The following MGAT4C variants were observed in gnomAD, a reference collection of about 807,000 sequenced individuals.
MGAT4C encodes the protein alpha-1,3-mannosyl-glycoprotein 4-beta-N-acetylglucosaminyltransferase C.
Under a neutral mutation model 40.1 loss-of-function variants are expected in MGAT4C, and 19 were observed. The observed-to-expected ratio is 0.47, with a 90% confidence interval of 0.33 to 0.70. The LOEUF (loss-of-function observed/expected upper bound fraction) is 0.70, where lower values mean the gene tolerates loss of function less well. Among genes scored for constraint, MGAT4C ranks in the 30% least tolerant of loss-of-function variants. The probability of loss-of-function intolerance (pLI) is 0.02; values close to 1 mark genes in which losing one functional copy is unlikely to be tolerated. For synonymous variants in MGAT4C, 181 were observed against 187.1 expected, an observed-to-expected ratio of 0.97 and a Z score of 0.27; for missense variants, 491 against 563.2, an observed-to-expected ratio of 0.87 and a Z score of 1.30.
intron 1 of MGAT4C, among the ~76,000 whole-genome samples, chr12:86,783,915 T>C (rs971545312): frequency 1.2e-4 from 18 of 152,128 alleles, no homozygotes; most frequent in Admixed American, 5.2e-4. Flanking sequence ...TCAATCTTCC[T>C]TATAATACAG....
intron 1 of MGAT4C, among the ~76,000 whole-genome samples, chr12:86,732,003 T>A (rs531128298): frequency 1.1e-3 from 167 of 152,274 alleles, no homozygotes; most frequent in African/African-American, 3.9e-3. Context: ...CTAGGCCATT[T>A]GCTGGGCCTA....
At chr12:86,764,396 G>A (rs1419441085) in intron 1 of MGAT4C, among the ~76,000 whole-genome samples, 3 of 152,168 alleles carry the variant, frequency 2.0e-5, no homozygotes, top group Non-Finnish European at 2.9e-5. Context: ...ACAGCTCAAG[G>A]AGGCCTGCCG....
chr12:86,205,691 A>G, intron 1 of MGAT4C, among the ~76,000 whole-genome samples: 1 of 152,004 alleles, frequency 6.6e-6, no homozygotes, highest in East Asian at 1.9e-4. Context: ...AGATTGATAA[A>G]TGTGTACTTT....
At chr12:86,404,809 T>C (rs868622131) in intron 3 of MGAT4C, among the ~76,000 whole-genome samples, 1 of 152,170 alleles carries the variant, frequency 6.6e-6, no homozygotes, top group Admixed American at 6.5e-5. Context: ...GAAAGACTTA[T>C]GGACTGCCTT....
At chr12:86,425,301 T>A (rs1956905070) in intron 3 of MGAT4C, among the ~76,000 whole-genome samples, 1 of 152,118 alleles carries the variant, frequency 6.6e-6, no homozygotes, top group African/African-American at 2.4e-5. Context: ...TGGTGGGAAG[T>A]GATTGGATCA....
At chr12:86,277,461 T>C (rs7135550) in intron 4 of MGAT4C, among the ~76,000 whole-genome samples, 10,696 of 152,196 alleles carry the variant, frequency 0.07, 909 homozygotes, top group East Asian at 0.25. Flanking sequence ...ACTCAAGAAA[T>C]CTTTGCCCAG....
intron 3 of MGAT4C, 106 bp downstream of exon 3, chr12:85,989,294 A>G (rs1373171405): frequency 8.9e-7 from 1 of 1,121,888 alleles, no homozygotes; most frequent in African/African-American, 1.6e-5. Flanking sequence ...TGCTCAAACT[A>G]AGTCTTCTCC....
At position 85,980,355 on chromosome 12, in the gene MGAT4C, A is replaced by G. The variant is rs1884432622; in HGVS notation, c.371T>C (p.Phe124Ser). ...NYLLETIKSI[F>S]EQSSYEELKE... ...CAGCTCTTCATAGCTGGATTGCTCA[A>G]AAATTGACTTAATTGTCTCAAGTAA... The change falls in exon 5 of 5, where the codon TTT becomes TCT. Residue 124 changes from phenylalanine (F) to serine (S), a missense_variant. Physicochemically the swap from Phe to Ser is radical, Grantham distance 155. Transcript: ENST00000611864. The G allele has an allele frequency of 6.2e-7, 1 of 1,613,488 alleles. No individual in the cohort carries two copies. The highest frequency in any genetic ancestry group is 8.5e-7 in the Non-Finnish European group (1 of 1,179,806).
chr12:86,778,451 G>C (rs1220444085), intron 1 of MGAT4C, among the ~76,000 whole-genome samples: 1 of 152,070 alleles, frequency 6.6e-6, no homozygotes, highest in African/African-American at 2.4e-5. Context: ...CAGTAGACCT[G>C]GCAACCTGAA....
chr12:86,618,203 A>AAAG (rs60669745), intron 2 of MGAT4C, among the ~76,000 whole-genome samples: 19,852 of 152,142 alleles, frequency 0.13, 2,006 homozygotes, highest in African/African-American at 0.29. Flanking sequence ...GATGAAAAGA[A>AAAG]AGAATTCTTA....
intron 2 of MGAT4C, among the ~76,000 whole-genome samples, chr12:86,007,818 C>T (rs937330404): frequency 1.3e-5 from 2 of 151,930 alleles, no homozygotes; most frequent in African/African-American, 4.8e-5. Flanking sequence ...TGGAAATATT[C>T]TCATATGCTT....
intron 2 of MGAT4C, among the ~76,000 whole-genome samples, chr12:86,555,730 G>A (rs138622499): frequency 9.9e-5 from 15 of 152,272 alleles, no homozygotes; most frequent in East Asian, 3.9e-4. Flanking sequence ...AATGCAGAGC[G>A]CCCTTTTGAC....
intron 1 of MGAT4C, among the ~76,000 whole-genome samples, chr12:86,127,539 T>G (rs1880484571): frequency 6.6e-6 from 1 of 152,156 alleles, no homozygotes; most frequent in Admixed American, 6.5e-5. Context: ...AATAGATAAT[T>G]ACTTCAACTT....
At chr12:86,281,542 A>AATTTTT (rs1953220098) in intron 4 of MGAT4C, among the ~76,000 whole-genome samples, 1 of 151,930 alleles carries the variant, frequency 6.6e-6, no homozygotes, top group Non-Finnish European at 1.5e-5. Flanking sequence ...TTTTATATTT[A>AATTTTT]ATTTTTAATT....
At chr12:85,980,545 G>T in intron 4 of MGAT4C, 115 bp from the exon 5 acceptor site, 1 of 898,552 alleles carries the variant, frequency 1.1e-6, no homozygotes, top group Non-Finnish European at 1.6e-6. Flanking sequence ...AGTAAATCTA[G>T]TAAATGACTA....
At position 86,013,791 on chromosome 12, in the gene MGAT4C, T is replaced by C. The variant is rs1888771381; in HGVS notation, c.-6-24239A>G. The C allele has an allele frequency of 5.3e-6, 5 of 952,356 alleles. No homozygotes were observed. In the Admixed American group the frequency reaches 1.9e-4, roughly 35 times the overall value. 59.0% of individuals were successfully genotyped at this position (952,356 alleles called of 1,614,324 possible). A position where few individuals can be genotyped will look rare whatever the true frequency, so the allele number is the denominator to read the frequency against. ...AAAAAAAAAAAAAAGACTTTCTTAG[T>C]AAACTCTTTTCTCTCCTACTCCCAT... On this transcript the variant is annotated intron_variant, in intron 2 of 4. Coordinates refer to ENST00000611864, the MANE Select transcript of MGAT4C (RefSeq NM_001351288.2).
intron 1 of MGAT4C, among the ~76,000 whole-genome samples, chr12:86,828,571 C>A (rs1030927149): frequency 3.3e-5 from 5 of 151,356 alleles, no homozygotes; most frequent in African/African-American, 1.2e-4. Flanking sequence ...AAAATGAGTA[C>A]CATCTTCACT....
intron 1 of MGAT4C, among the ~76,000 whole-genome samples, chr12:86,217,336 CG>C: frequency 6.6e-6 from 1 of 152,188 alleles, no homozygotes; most frequent in Middle Eastern, 3.4e-3. Flanking sequence ...CACTACTGCC[CG>C]GGTAATTTTT....
chr12:86,459,304 G>A (rs1165952296), intron 2 of MGAT4C, among the ~76,000 whole-genome samples: 1 of 152,044 alleles, frequency 6.6e-6, no homozygotes, highest in Admixed American at 6.5e-5. Flanking sequence ...TGAATAGAAT[G>A]GCAATATCAC....
Sources: gnomAD v4.1 joint callset for allele counts (sites outside exome capture counted in the v4.1 genomes callset) on GRCh38, gnomAD v4.1.1 for gene constraint, MANE v1.5 for transcripts, NCBI Gene and HGNC (gene_info 2026-07-23, HGNC 2026-07-21) for gene names.